INO80: variants seen among roughly 807,000 people sequenced by gnomAD.
INO80 encodes INO80 complex ATPase subunit, also known as chromatin-remodeling ATPase INO80.
In INO80, 20 loss-of-function variants were observed where a neutral mutation model predicts 203.4. That is an observed-to-expected ratio of 0.10 (90% confidence interval 0.07 to 0.14). The LOEUF (loss-of-function observed/expected upper bound fraction) is 0.14. Among genes scored for constraint, INO80 ranks in the 10% least tolerant of loss-of-function variants. The pLI, the probability that INO80 is intolerant of heterozygous loss-of-function variation, is 1.00. For synonymous variants in INO80, 726 were observed against 685.2 expected (o/e 1.06, Z -0.93); for missense variants, 1,419 against 1,914.4 (o/e 0.74, Z 4.83).
At chr15:40,997,469 C>A in intron 29 of INO80, 60 bp downstream of exon 29, 3 of 1,112,568 alleles carry the variant, frequency 2.7e-6, no homozygotes, top group East Asian at 2.4e-5. Flanking sequence ...GAAAAACCTA[C>A]ATAGTAGGTT....
intron 22 of INO80, among the ~76,000 whole-genome samples, 165 bp downstream of exon 22, chr15:41,048,047 A>G (rs895080932): frequency 6.6e-6 from 1 of 152,202 alleles, no homozygotes; most frequent in African/African-American, 2.4e-5. Flanking sequence ...CACAGAGCCT[A>G]TAAAGATAAC....
chr15:40,988,577 C>A (rs759244242), intron 29 of INO80, among the ~76,000 whole-genome samples: 2 of 151,654 alleles, frequency 1.3e-5, no homozygotes, highest in Non-Finnish European at 2.9e-5. Context: ...CAGAGCAATA[C>A]CCTGTCTCAA....
In INO80 at chr15:41,049,391, C is replaced by A. The variant is rs548477950; in HGVS notation, c.2472G>T (p.Arg824=). The change falls in exon 21 of 36, where the codon CGG becomes CGT. Residue 824 remains arginine (R), a synonymous_variant. Coordinates refer to ENST00000648947, the MANE Select transcript of INO80 (RefSeq NM_017553.3). ...KVCNHPELFE[R]QETWSPFHIS... ...TATGAAATGGAGACCAAGTTTCTTG[C>A]CGTTCAAATAACTCCGGGTGATTAC... The A allele has an allele frequency of 8.1e-6, 13 of 1,613,852 alleles. No individual in the cohort carries two copies. The highest frequency in any genetic ancestry group is 3.3e-5 in the Admixed American group (2 of 59,996).
At chr15:41,057,234 G>A (rs2045002224) in intron 16 of INO80, among the ~76,000 whole-genome samples, 1 of 152,108 alleles carries the variant, frequency 6.6e-6, no homozygotes, top group South Asian at 2.1e-4. Context: ...CACTTTGGGA[G>A]GCTTGAGTGC....
chr15:41,111,827 G>A lies in INO80; in HGVS notation c.-44+4146C>T, dbSNP rs114316567. Among the ~76,000 whole-genome samples the A allele has an allele frequency of 5.9e-3, 898 of 151,706 alleles. 8 individuals carry two copies. The highest frequency in any genetic ancestry group is 0.021 in the African/African-American group (859 of 41,348). On this transcript the variant is annotated intron_variant, in intron 1 of 35. Transcript: ENST00000648947. ...TCAAGAAAAAAAAAAACGTTTTTGC[G>A]GGGAGGAGGAAAAAAAAAACCTCTT...
rs530463505 is a variant in INO80 at position 41,020,985 on chromosome 15, A to G, written c.3189T>C (p.Asn1063=). The change falls in exon 26 of 36, where the codon AAT becomes AAC. Residue 1063 remains asparagine, a synonymous_variant. Coordinates refer to ENST00000648947, the MANE Select transcript of INO80 (RefSeq NM_017553.3). ...GAPELAADWL[N]RRSQFFPEPA... Reference sequence around the variant, plus strand: ...GCTCTGGGAAGAACTGTGATCGTCTATTTAGCCAGTCTGCAGCCAGTTCAG... The same window carrying G: ...GCTCTGGGAAGAACTGTGATCGTCTGTTTAGCCAGTCTGCAGCCAGTTCAG... The G allele has an allele frequency of 1.2e-6, 2 of 1,614,104 alleles. No individual in the cohort carries two copies. The highest frequency in any genetic ancestry group is 2.2e-5 in the East Asian group (1 of 44,886).
chr15:41,047,523 G>T, intron 22 of INO80, 22 bp from the exon 23 acceptor site: 1 of 1,515,930 alleles, frequency 6.6e-7, no homozygotes, highest in South Asian at 1.1e-5. Flanking sequence ...AAGACAATTT[G>T]AAACCCAACA....
At chr15:41,015,014 C>T (rs1175776631) in intron 27 of INO80, among the ~76,000 whole-genome samples, 1 of 152,120 alleles carries the variant, frequency 6.6e-6, no homozygotes, top group Non-Finnish European at 1.5e-5. Context: ...GGTACTTCTG[C>T]CTCTCAAACT....
At chr15:41,043,426 G>C (rs1338891891) in intron 24 of INO80, among the ~76,000 whole-genome samples, 1 of 152,126 alleles carries the variant, frequency 6.6e-6, no homozygotes, top group Admixed American at 6.5e-5. Context: ...ACCACTGACA[G>C]CATTACTCCA....
At chr15:41,066,752 G>GTGGA (rs1205252918) in intron 14 of INO80, among the ~76,000 whole-genome samples, 3 of 150,900 alleles carry the variant, frequency 2.0e-5, no homozygotes, top group Non-Finnish European at 2.9e-5. Flanking sequence ...ATGGCTTGAG[G>GTGGA]TGGAGTTCAG....
intron 19 of INO80, among the ~76,000 whole-genome samples, chr15:41,052,447 A>G (rs534311833): frequency 6.6e-6 from 1 of 152,022 alleles, no homozygotes; most frequent in East Asian, 1.9e-4. Flanking sequence ...TTGAGGTGGG[A>G]GGATTGCTGG....
intron 28 of INO80, among the ~76,000 whole-genome samples, chr15:40,998,314 C>T (rs765971539): frequency 4.6e-5 from 7 of 151,994 alleles, no homozygotes; most frequent in Non-Finnish European, 7.4e-5. Context: ...AGCCACCGTG[C>T]GGGGCCCCAA....
intron 27 of INO80, among the ~76,000 whole-genome samples, chr15:41,009,294 C>T (rs2044098398): frequency 6.7e-6 from 1 of 149,976 alleles, no homozygotes; most frequent in African/African-American, 2.5e-5. Flanking sequence ...AGGTTAGTTA[C>T]ATATGTATAC....
chr15:40,990,312 C>A (rs1271531950), intron 29 of INO80, among the ~76,000 whole-genome samples: 1 of 152,188 alleles, frequency 6.6e-6, no homozygotes, highest in Admixed American at 6.5e-5. Flanking sequence ...TCAATTATTT[C>A]ATGTGTACTA....
intron 34 of INO80, among the ~76,000 whole-genome samples, chr15:40,983,483 C>T (rs1359685015): frequency 2.6e-5 from 4 of 152,072 alleles, no homozygotes; most frequent in Non-Finnish European, 4.4e-5. Context: ...ACACTAGACC[C>T]CACACAGCAA....
chr15:41,016,164 A>C lies in INO80; in HGVS notation c.3326T>G (p.Leu1109Arg), dbSNP rs2044205817. 3 of 1,613,712 alleles carry C rather than the reference A, an allele frequency of 1.9e-6. No homozygotes were observed. The highest frequency in any genetic ancestry group is 2.5e-6 in the Non-Finnish European group (3 of 1,179,648). ...DSGKLYALDV[L>R]LTRLKSQGHR... ...CCCTTGAGACTTGAGCCGAGTCAGC[A>C]GGACATCAAGGGCATACAGCTTTCC... is the stretch of plus-strand genomic sequence containing the variant. The change falls in exon 27 of 36, where the codon CTG (leucine) becomes CGG (arginine). Residue 1109 changes from leucine to arginine, a missense_variant. Transcript: ENST00000648947.
Position 41,049,281 on chromosome 15 carries a change from CCCTA to C in INO80, c.2576+2_2576+5del. On this transcript the variant is annotated splice_donor_variant and splice_donor_5th_base_variant and intron_variant, in intron 21 of 35. Transcript: ENST00000648947. LOFTEE classifies it high-confidence loss of function. ...TAATAGTGAACAGATAGTAATACTT[CCCTA>C]CCTGTCTCGTGAATGATTGAAGACC... 6.2e-7 allele frequency: 1 copy of C among 1,609,446 alleles called. No homozygotes were observed. The highest frequency in any genetic ancestry group is 8.5e-7 in the Non-Finnish European group (1 of 1,177,212).
chr15:41,031,301 A>T (rs1314871614), intron 24 of INO80, among the ~76,000 whole-genome samples: 1 of 151,904 alleles, frequency 6.6e-6, no homozygotes, highest in African/African-American at 2.4e-5. Context: ...TATGCCTGAC[A>T]TGGAAGAATA....
intron 29 of INO80, among the ~76,000 whole-genome samples, chr15:40,993,821 G>A (rs1170987127): frequency 7.9e-5 from 12 of 151,938 alleles, no homozygotes; most frequent in Admixed American, 7.2e-4. Flanking sequence ...TCTTTCTCCT[G>A]AACTTCAGAC....
Sources: allele counts gnomAD v4.1 joint callset (sites outside exome capture counted in the v4.1 genomes callset), GRCh38; gene constraint gnomAD v4.1.1; transcripts MANE v1.5; gene names NCBI Gene and HGNC (gene_info 2026-07-23, HGNC 2026-07-21).